Variants in ERAP1 observed in about 807,000 individuals in gnomAD.
ERAP1 encodes the protein endoplasmic reticulum aminopeptidase 1.
A neutral mutation model predicts 103.7 loss-of-function variants in ERAP1; 86 were observed. The ratio of observed to expected loss-of-function variants is 0.83; its 90% CI spans 0.70 to 0.99. The LOEUF (loss-of-function observed/expected upper bound fraction) is 0.99, where lower values mean the gene tolerates loss of function less well. Ranked by LOEUF, ERAP1 falls within the 50% of genes least tolerant of loss-of-function variation. The probability of loss-of-function intolerance (pLI) is 0.00; values close to 1 mark genes in which losing one functional copy is unlikely to be tolerated. For synonymous variants in ERAP1, 398 were observed against 402.4 expected, an observed-to-expected ratio of 0.99 and a Z score of 0.13; for missense variants, 1,009 against 1,128.4, an observed-to-expected ratio of 0.89 and a Z score of 1.52.
chr5:96,812,183 G>C (rs1213498853), upstream of ERAP1, among the ~76,000 whole-genome samples: 1 of 152,154 alleles, frequency 6.6e-6, no homozygotes, highest in Non-Finnish European at 1.5e-5. Flanking sequence ...TCACAATTCA[G>C]TTATATAAAA....
chr5:96,922,318 A>C, the ERAP1 span, among the ~76,000 whole-genome samples: 3 of 152,244 alleles, frequency 2.0e-5, 1 homozygote, highest in South Asian at 6.2e-4. Flanking sequence ...AACAAAAACA[A>C]AAAAAACTGT....
upstream of ERAP1, among the ~76,000 whole-genome samples, chr5:96,812,847 A>C (rs1306775962): frequency 6.6e-6 from 1 of 152,246 alleles, no homozygotes; most frequent in Non-Finnish European, 1.5e-5. Context: ...TGAAATTGAC[A>C]GAGTTTGGCT....
chr5:96,879,712 T>C, the ERAP1 span: 1 of 1,614,128 alleles, frequency 6.2e-7, no homozygotes, highest in Non-Finnish European at 8.5e-7. Flanking sequence ...CAATGGTTAA[T>C]TCACACAGAA....
chr5:96,836,176 G>GTTTTTTTTTTTTTTTTTT, the ERAP1 span, among the ~76,000 whole-genome samples: 12 of 106,678 alleles, frequency 1.1e-4, no homozygotes, highest in Non-Finnish European at 1.8e-4. Context: ...CACCTCTTTG[G>GTTTTTTTTTTTTTTTTTT]TTTTTTTTTT....
the ERAP1 span, among the ~76,000 whole-genome samples, chr5:96,922,373 T>A: frequency 6.6e-6 from 1 of 152,246 alleles, no homozygotes; most frequent in Middle Eastern, 3.4e-3. Flanking sequence ...CTCTAATATA[T>A]TGAGTTGGAG....
At chr5:96,783,818 TACACACACACAC>T (rs3076640) in intron 14 of ERAP1, 94 bp downstream of exon 14, 14,883 of 802,680 alleles carry the variant, frequency 0.019, 171 homozygotes, top group Non-Finnish European at 0.023. Flanking sequence ...TATATAAAGA[TACACACACACAC>T]ACACACACAC....
chr5:96,779,527 GCT>G (rs1251729443), intron 18 of ERAP1: 2 of 152,120 alleles, frequency 1.3e-5, no homozygotes, highest in Non-Finnish European at 2.9e-5. Flanking sequence ...CATTTCCAAA[GCT>G]CTCTCCCCAT....
chr5:96,908,899 T>C, the ERAP1 span: 1 of 1,481,834 alleles, frequency 6.7e-7, no homozygotes, highest in Admixed American at 2.1e-5. Context: ...TTTGTTTTAA[T>C]GTTAAAAATA....
At chr5:96,856,365 T>TATATATATATAGAGAGAG in the ERAP1 span, among the ~76,000 whole-genome samples, 60 of 20,350 alleles carry the variant, frequency 2.9e-3, 2 homozygotes, top group South Asian at 6.2e-3. Context: ...TATATATATA[T>TATATATATATAGAGAGAG]AGAGAGAGAG....
At position 96,807,865 on chromosome 5, in the gene ERAP1, G is replaced by T. The variant is rs1022968539; in HGVS notation, c.-23C>A. 1.0e-6 allele frequency: 1 copy of T among 985,928 alleles called. No individual in the cohort carries two copies. Among genetic ancestry groups the T allele is most frequent in the Non-Finnish European group, 1.2e-6 (1 of 830,370 alleles). The allele number at this position is 985,928 out of a possible 1,614,324, so 61.1% of individuals were successfully genotyped here. ...GCGGCTCGAGCGCGCTGTACCTGGG[G>T]TTCTGGGGCCGCCCTCACCCTTGCG... On this transcript the variant is annotated 5_prime_UTR_variant, in exon 1 of 19. Coordinates refer to ENST00000443439, the MANE Select transcript of ERAP1 (RefSeq NM_001040458.3).
chr5:96,837,569 CCAGGAG>C, the ERAP1 span, among the ~76,000 whole-genome samples: 1 of 152,150 alleles, frequency 6.6e-6, no homozygotes, highest in Admixed American at 6.5e-5. Flanking sequence ...TTGGGCGCCA[CCAGGAG>C]CAAAACTCTG....
chr5:96,801,030 G>A, intron 2 of ERAP1, 30 bp from the exon 3 acceptor site: 1 of 1,612,516 alleles, frequency 6.2e-7, no homozygotes, highest in South Asian at 1.1e-5. Context: ...AATAAAAATT[G>A]AGCATGAAGC....
Position 96,775,549 on chromosome 5 carries a change from T to G in ERAP1, c.*847A>C. ...AATAGATGACACTCACTCAGAATTA[T>G]CTGAGGAGGGTTCTATAAAAAGATT... is the stretch of plus-strand genomic sequence containing the variant. On this transcript the variant is annotated 3_prime_UTR_variant, in exon 19 of 19. Transcript: ENST00000443439. 1.0e-6 allele frequency: 1 copy of G among 964,616 alleles called. No homozygotes were observed. The highest frequency in any genetic ancestry group is 1.2e-6 in the Non-Finnish European group (1 of 811,114). 59.8% of individuals were successfully genotyped at this position (964,616 alleles called of 1,614,324 possible).
chr5:96,829,485 C>A, the ERAP1 span, among the ~76,000 whole-genome samples: 9 of 152,216 alleles, frequency 5.9e-5, no homozygotes, highest in African/African-American at 2.2e-4. Flanking sequence ...GGATTGAATT[C>A]TTTCCATCCA....
chr5:96,901,494 C>T, the ERAP1 span: 10 of 1,612,232 alleles, frequency 6.2e-6, no homozygotes, highest in Admixed American at 8.3e-5. Flanking sequence ...TCATAGTCAC[C>T]TGTCATTTCA....
chr5:96,888,517 C>A, the ERAP1 span, among the ~76,000 whole-genome samples: 1 of 152,192 alleles, frequency 6.6e-6, no homozygotes, highest in Non-Finnish European at 1.5e-5. Context: ...AGCACAGTGC[C>A]TGGTAAACTG....
chr5:96,801,453 G>C (rs1302869236), intron 2 of ERAP1, among the ~76,000 whole-genome samples: 1 of 137,536 alleles, frequency 7.3e-6, no homozygotes, highest in Non-Finnish European at 1.6e-5. Flanking sequence ...ACCAGACCCT[G>C]TCTCGGGAAG....
chr5:96,776,250 A>G lies in ERAP1; in HGVS notation c.*146T>C, dbSNP rs27985. On this transcript the variant is annotated 3_prime_UTR_variant, in exon 19 of 19. Coordinates refer to ENST00000443439, the MANE Select transcript of ERAP1 (RefSeq NM_001040458.3). ...GCCCATTCATGAAAAACTAACAGCT[A>G]TTCTTTTCACAGGGATAGTCAAAAA... is the stretch of plus-strand genomic sequence containing the variant. 1.5e-3 allele frequency: 1,618 copies of G among 1,096,354 alleles called. 20 individuals are homozygous for G. The Admixed American group carries it at 0.02, about 13-fold the overall frequency. The allele number at this position is 1,096,354 out of a possible 1,614,324, so 67.9% of individuals were successfully genotyped here.
chr5:96,840,136 C>T, the ERAP1 span, among the ~76,000 whole-genome samples: 1 of 152,200 alleles, frequency 6.6e-6, no homozygotes, highest in Non-Finnish European at 1.5e-5. Context: ...TGAGTAAATG[C>T]TGCTTTTAAG....
Sources: gnomAD v4.1 joint callset for allele counts (sites outside exome capture counted in the v4.1 genomes callset) on GRCh38, gnomAD v4.1.1 for gene constraint, MANE v1.5 for transcripts, NCBI Gene and HGNC (gene_info 2026-07-23, HGNC 2026-07-21) for gene names.